HSD11B1: variants seen among roughly 807,000 people sequenced by gnomAD.
The protein encoded by HSD11B1 is 11-beta-hydroxysteroid dehydrogenase 1.
Under a neutral mutation model 22.1 loss-of-function variants are expected in HSD11B1, and 15 were observed. The ratio of observed to expected loss-of-function variants is 0.68; its 90% CI spans 0.45 to 1.04. The LOEUF is 1.04. Among genes scored for constraint, HSD11B1 ranks in the 50% least tolerant of loss-of-function variants. The probability of loss-of-function intolerance (pLI) is 0.00; values close to 1 mark genes in which losing one functional copy is unlikely to be tolerated. For missense variants in HSD11B1, 281 were observed against 357.6 expected, an observed-to-expected ratio of 0.79 and a Z score of 1.73; for synonymous variants, 122 against 125.2, an observed-to-expected ratio of 0.97 and a Z score of 0.17.
At chr1:209,723,955 G>C (rs1299280685) in intron 4 of HSD11B1, 1 of 152,262 alleles carries the variant, frequency 6.6e-6, no homozygotes, top group East Asian at 1.9e-4. Context: ...TCTTCTTGTG[G>C]TTTGGGCAGC....
At chr1:209,709,504 A>C (rs1272594139) in intron 4 of HSD11B1, among the ~76,000 whole-genome samples, 4 of 152,186 alleles carry the variant, frequency 2.6e-5, no homozygotes, top group Non-Finnish European at 5.9e-5. Context: ...CGAAGACCCG[A>C]ATTTACAATG....
chr1:209,729,359 G>A (rs4314885), intron 4 of HSD11B1, among the ~76,000 whole-genome samples: 59,769 of 150,114 alleles, frequency 0.4, 15,154 homozygotes, highest in African/African-American at 0.71. Flanking sequence ...ACTCTGCCTC[G>A]GAAAACACAC....
chr1:209,719,859 C>T (rs1041710154), intron 4 of HSD11B1, among the ~76,000 whole-genome samples: 3 of 152,170 alleles, frequency 2.0e-5, no homozygotes, highest in African/African-American at 7.2e-5. Context: ...CCACAATAAA[C>T]ATATGTGTGC....
intron 4 of HSD11B1, among the ~76,000 whole-genome samples, chr1:209,727,029 C>G (rs967607879): frequency 6.6e-6 from 1 of 152,138 alleles, no homozygotes; most frequent in Non-Finnish European, 1.5e-5. Context: ...TAAGTGGACA[C>G]ATAGAAAGTC....
upstream of HSD11B1, among the ~76,000 whole-genome samples, chr1:209,700,635 C>G (rs2102364004): frequency 6.6e-6 from 1 of 152,352 alleles, no homozygotes; most frequent in East Asian, 1.9e-4. Flanking sequence ...CAAATTTCAG[C>G]AGCTGGCTTG....
intron 4 of HSD11B1, among the ~76,000 whole-genome samples, chr1:209,725,748 T>TTAGCACAG (rs2076996473): frequency 6.6e-6 from 1 of 152,178 alleles, no homozygotes; most frequent in Non-Finnish European, 1.5e-5. Flanking sequence ...ACTGAACAGT[T>TTAGCACAG]TAGCACAGTC....
chr1:209,720,598 T>C (rs1167244368), intron 4 of HSD11B1, among the ~76,000 whole-genome samples: 1 of 151,082 alleles, frequency 6.6e-6, no homozygotes, highest in African/African-American at 2.4e-5. Context: ...AATAACTGGC[T>C]GTACTCTCCA....
rs1482647142 is a variant in HSD11B1 at position 209,714,337 on chromosome 1, C to A, written c.517+7209C>A. Among the ~76,000 whole-genome samples, 3 of 152,304 alleles carry A rather than the reference C, an allele frequency of 2.0e-5. No individual in the cohort carries two copies. In the South Asian group the frequency reaches 6.2e-4, roughly 32 times the overall value. ...AAAATAGTAGTATGTTTTACAACTGCTTGCCTCTGAAAGCTGTTGAAATAC... is the reference window on the plus strand; with the variant it reads ...AAAATAGTAGTATGTTTTACAACTGATTGCCTCTGAAAGCTGTTGAAATAC... On this transcript the variant is annotated intron_variant, in intron 4 of 5. Coordinates refer to ENST00000367027, the MANE Select transcript of HSD11B1 (RefSeq NM_005525.4).
intron 1 of HSD11B1, among the ~76,000 whole-genome samples, chr1:209,697,580 G>C (rs1315532987): frequency 1.3e-5 from 2 of 152,142 alleles, no homozygotes; most frequent in East Asian, 3.9e-4. Context: ...CATAGTACCT[G>C]ACCAACAGTA....
intron 1 of HSD11B1, among the ~76,000 whole-genome samples, chr1:209,705,372 C>CA (rs5780533): frequency 0.26 from 21,156 of 82,592 alleles, 2,288 homozygotes; most frequent in Non-Finnish European, 0.3. Context: ...AAGTGGGAGG[C>CA]AAAAAAAAAA....
intron 1 of HSD11B1, among the ~76,000 whole-genome samples, chr1:209,687,676 C>A (rs1275020197): frequency 2.0e-5 from 3 of 152,278 alleles, no homozygotes; most frequent in Middle Eastern, 6.8e-3. Flanking sequence ...CACCCAGGAG[C>A]CTTTTAAGAA....
At chr1:209,723,092 A>G (rs2076977077) in intron 4 of HSD11B1, among the ~76,000 whole-genome samples, 1 of 152,062 alleles carries the variant, frequency 6.6e-6, no homozygotes, top group African/African-American at 2.4e-5. Flanking sequence ...CCCACCTATC[A>G]TCATGTCTGC....
chr1:209,715,947 A>C (rs1411516804), intron 4 of HSD11B1, among the ~76,000 whole-genome samples: 1 of 152,234 alleles, frequency 6.6e-6, no homozygotes, highest in African/African-American at 2.4e-5. Context: ...AAAATGGGCA[A>C]AGGATATATG....
chr1:209,704,241 T>G (rs926055567), upstream of HSD11B1, among the ~76,000 whole-genome samples: 1 of 152,196 alleles, frequency 6.6e-6, no homozygotes, highest in Non-Finnish European at 1.5e-5. Flanking sequence ...GCACTTGCCT[T>G]AGAGTCTTGA....
In HSD11B1 at chr1:209,723,499, A is replaced by G. The variant is rs1257570943; in HGVS notation, c.518-8937A>G. ...GCGCAGGTCCTCCCTGAGCCTGGACATGAGCTAGGGCAGATGGCAACACTT... is the reference window on the plus strand; with the variant it reads ...GCGCAGGTCCTCCCTGAGCCTGGACGTGAGCTAGGGCAGATGGCAACACTT... On this transcript the variant is annotated intron_variant, in intron 4 of 5. Transcript: ENST00000367027. Among the ~76,000 whole-genome samples the G allele has an allele frequency of 4.6e-5, 7 of 152,308 alleles. No homozygotes were observed. The East Asian group carries it at 7.7e-4, about 17-fold the overall frequency.
intron 1 of HSD11B1, among the ~76,000 whole-genome samples, chr1:209,688,924 C>G (rs2076743329): frequency 6.6e-6 from 1 of 152,164 alleles, no homozygotes; most frequent in African/African-American, 2.4e-5. Context: ...CTTAGCAAAC[C>G]CAAGACTGCT....
In HSD11B1 at chr1:209,706,067, G is replaced by C. The variant is rs2076857115; in HGVS notation, c.219+126G>C. ...ATACAGAGGCACATGCACACACACA[G>C]ACACTTAATTTTGCACTCTCATATA... On this transcript the variant is annotated intron_variant, in intron 2 of 5. Coordinates refer to ENST00000367027, the MANE Select transcript of HSD11B1 (RefSeq NM_005525.4). The surrounding 1 kb of genome is among the most constrained non-coding windows in gnomAD (Gnocchi z 4.0). 1 of 1,267,836 alleles carries C rather than the reference G, an allele frequency of 7.9e-7. No homozygotes were observed. Among genetic ancestry groups the C allele is most frequent in the Non-Finnish European group, 1.1e-6 (1 of 882,280 alleles). 78.5% of individuals were successfully genotyped at this position (1,267,836 alleles called of 1,614,324 possible). A position where few individuals can be genotyped will look rare whatever the true frequency, so the allele number is the denominator to read the frequency against.
upstream of HSD11B1, among the ~76,000 whole-genome samples, chr1:209,701,053 C>G (rs1366160030): frequency 6.6e-6 from 1 of 152,214 alleles, no homozygotes. Flanking sequence ...TTCTTCTGAG[C>G]CCTCCAAACT....
chr1:209,697,623 T>G (rs185575943), intron 1 of HSD11B1, among the ~76,000 whole-genome samples: 1 of 152,306 alleles, frequency 6.6e-6, no homozygotes, highest in East Asian at 1.9e-4. Context: ...AGTAGATGAT[T>G]CCTCCACCCA....
Sources: gnomAD v4.1 joint callset for allele counts (sites outside exome capture counted in the v4.1 genomes callset) on GRCh38, gnomAD v4.1.1 for gene constraint, Gnocchi (gnomAD v3.1) non-coding constraint, MANE v1.5 for transcripts, NCBI Gene and HGNC (gene_info 2026-07-23, HGNC 2026-07-21) for gene names.